PDE8B: variants seen among roughly 807,000 people sequenced by gnomAD.
The protein encoded by PDE8B is phosphodiesterase 8B.
Under a neutral mutation model 101.3 loss-of-function variants are expected in PDE8B, and 26 were observed. The observed-to-expected ratio is 0.26, with a 90% CI of 0.19 to 0.36. The LOEUF (loss-of-function observed/expected upper bound fraction) is 0.36, where lower values mean the gene tolerates loss of function less well. Among genes scored for constraint, PDE8B ranks in the 10% least tolerant of loss-of-function variants. The pLI, the probability that PDE8B is intolerant of heterozygous loss-of-function variation, is 1.00. For synonymous variants in PDE8B, 424 were observed against 429.3 expected (o/e 0.99, Z 0.15); for missense variants, 810 against 1,163.1 (o/e 0.70, Z 4.42).
intron 16 of PDE8B, 106 bp downstream of exon 16, chr5:77,412,341 CGGGTT>C (rs1331584147): frequency 5.4e-6 from 6 of 1,121,224 alleles, no homozygotes; most frequent in Non-Finnish European, 8.0e-6. Flanking sequence ...AGAGACCTCA[CGGGTT>C]CTGGCTCTCA....
At chr5:77,355,744 G>A (rs1388968981) in intron 10 of PDE8B, among the ~76,000 whole-genome samples, 4 of 152,204 alleles carry the variant, frequency 2.6e-5, no homozygotes, top group Admixed American at 1.3e-4. Flanking sequence ...TGCCCCCAAT[G>A]TCAGGGAGGC....
chr5:77,289,066 T>G (rs1456761302), intron 1 of PDE8B, among the ~76,000 whole-genome samples: 1 of 152,200 alleles, frequency 6.6e-6, no homozygotes, highest in Admixed American at 6.5e-5. Flanking sequence ...GCCACTGACA[T>G]CTTGCCTGTG....
intron 4 of PDE8B, among the ~76,000 whole-genome samples, chr5:77,330,296 T>C (rs937166917): frequency 6.6e-6 from 1 of 152,190 alleles, no homozygotes; most frequent in Admixed American, 6.5e-5. Context: ...AATACTCTTG[T>C]TTTTCTGACT....
At chr5:77,235,145 G>A (rs990927677) in intron 1 of PDE8B, among the ~76,000 whole-genome samples, 6 of 152,104 alleles carry the variant, frequency 3.9e-5, no homozygotes, top group Non-Finnish European at 8.8e-5. Flanking sequence ...GGCCCCTCTT[G>A]TATCACAGAA....
chr5:77,310,829 A>G (rs1772431528), intron 1 of PDE8B, among the ~76,000 whole-genome samples: 1 of 152,154 alleles, frequency 6.6e-6, no homozygotes, highest in Non-Finnish European at 1.5e-5. Context: ...TAGGAGAATC[A>G]GGCCTACAGA....
the PDE8B span, chr5:77,112,290 G>C: frequency 6.6e-6 from 1 of 152,176 alleles, no homozygotes; most frequent in South Asian, 2.1e-4. Context: ...AAATAATGCT[G>C]TGTTAAAATG....
At chr5:77,384,385 C>T (rs1055553482) in intron 10 of PDE8B, among the ~76,000 whole-genome samples, 57 of 152,068 alleles carry the variant, frequency 3.7e-4, no homozygotes, top group Non-Finnish European at 1.3e-4. Flanking sequence ...GGGGCTGAGA[C>T]GATGGGTTTT....
intron 7 of PDE8B, among the ~76,000 whole-genome samples, chr5:77,346,925 T>C (rs1780246280): frequency 6.6e-6 from 1 of 152,224 alleles, no homozygotes; most frequent in South Asian, 2.1e-4. Flanking sequence ...TCTTACTTGA[T>C]ATCAGCATCC....
chr5:77,087,303 G>C, the PDE8B span: 1 of 152,520 alleles, frequency 6.6e-6, no homozygotes, highest in South Asian at 2.1e-4. Context: ...GCCCGAAAGC[G>C]GTAGGGGAGT....
At chr5:77,297,729 G>C (rs1768916506) in intron 1 of PDE8B, among the ~76,000 whole-genome samples, 1 of 152,130 alleles carries the variant, frequency 6.6e-6, no homozygotes, top group African/African-American at 2.4e-5. Context: ...TCCCTCTCTA[G>C]CCACATGGTC....
chr5:77,250,105 T>G (rs1757773973), intron 1 of PDE8B, among the ~76,000 whole-genome samples: 1 of 152,176 alleles, frequency 6.6e-6, no homozygotes, highest in African/African-American at 2.4e-5. Flanking sequence ...CTCATCAAAC[T>G]GGGAGAGGAA....
In PDE8B at chr5:77,426,450, G is replaced by A; in HGVS notation, c.2554G>A (p.Ala852Thr). The change falls in exon 22 of 22, where the codon GCA becomes ACA. Residue 852 changes from alanine to threonine, a missense_variant. This residue lies in a region of PDE8B where 325 missense variants were observed against 560.9 expected (regional missense o/e 0.58). Transcript: ENST00000264917. ...ATTCTTTTCTGTCTTTGCAGCCTTT[G>A]CACATCTGCCAGCCCTGATGCAACA... ...TDMFDAWDAF[A>T]HLPALMQHLA... The A allele has an allele frequency of 6.2e-7, 1 of 1,607,260 alleles. No homozygotes were observed. Among genetic ancestry groups the A allele is most frequent in the Non-Finnish European group, 8.5e-7 (1 of 1,173,872 alleles).
the PDE8B span, among the ~76,000 whole-genome samples, chr5:77,199,965 C>T: frequency 6.6e-6 from 1 of 151,518 alleles, no homozygotes; most frequent in East Asian, 1.9e-4. Flanking sequence ...CTTCCTAGAA[C>T]TTTATTTATT....
At chr5:77,158,462 ATTC>A in the PDE8B span, among the ~76,000 whole-genome samples, 1 of 152,332 alleles carries the variant, frequency 6.6e-6, no homozygotes, top group Non-Finnish European at 1.5e-5. Flanking sequence ...GACATGCTGA[ATTC>A]TTCTAAAACA....
chr5:77,146,377 G>A, the PDE8B span: 1 of 152,438 alleles, frequency 6.6e-6, no homozygotes, highest in East Asian at 1.9e-4. Context: ...CATGAGTGTG[G>A]ATGGAACCTG....
chr5:77,291,588 C>T (rs775631295), intron 1 of PDE8B: 15 of 1,597,574 alleles, frequency 9.4e-6, no homozygotes, highest in Middle Eastern at 2.1e-4. Flanking sequence ...CAGAATCTTT[C>T]GCTGGCTTGG....
chr5:77,101,026 A>G, the PDE8B span, among the ~76,000 whole-genome samples: 1 of 132,214 alleles, frequency 7.6e-6, no homozygotes, highest in Non-Finnish European at 1.5e-5. Flanking sequence ...CTGGAGTGCC[A>G]TGGCATAATC....
chr5:77,273,734 T>TA (rs958236427), intron 1 of PDE8B, among the ~76,000 whole-genome samples: 14 of 151,926 alleles, frequency 9.2e-5, no homozygotes, highest in Non-Finnish European at 1.0e-4. Context: ...AAATAGTATA[T>TA]AAAAAATAAA....
the PDE8B span, among the ~76,000 whole-genome samples, chr5:77,196,629 A>G: frequency 1.3e-5 from 2 of 151,892 alleles, no homozygotes; most frequent in Non-Finnish European, 2.9e-5. Context: ...GTTTAGGGGT[A>G]TTTTTATCTG....
Sources: gnomAD v4.1 joint callset for allele counts (sites outside exome capture counted in the v4.1 genomes callset) on GRCh38, gnomAD v4.1.1 for gene constraint, gnomAD v4.1.1 regional missense constraint, MANE v1.5 for transcripts, NCBI Gene and HGNC (gene_info 2026-07-23, HGNC 2026-07-21) for gene names.